GLYATL2: variants seen among roughly 807,000 people sequenced by gnomAD.
The protein encoded by GLYATL2 is glycine-N-acyltransferase like 2, also known as glycine N-acyltransferase-like protein 2.
A neutral mutation model predicts 21.4 loss-of-function variants in GLYATL2; 25 were observed. The observed-to-expected ratio is 1.17, with a 90% CI of 0.85 to 1.63. The LOEUF is 1.63. Among genes scored for constraint, GLYATL2 ranks in the 40% most tolerant of loss-of-function variants. The probability of loss-of-function intolerance (pLI) is 0.00; values close to 1 mark genes in which losing one functional copy is unlikely to be tolerated. For missense variants in GLYATL2, 361 were observed against 343.3 expected, an observed-to-expected ratio of 1.05 and a Z score of -0.41; for synonymous variants, 114 against 118.2, an observed-to-expected ratio of 0.96 and a Z score of 0.23.
intron 1 of GLYATL2, among the ~76,000 whole-genome samples, chr11:58,867,896 T>C (rs1367914499): frequency 1.3e-5 from 2 of 148,764 alleles, no homozygotes; most frequent in Non-Finnish European, 3.0e-5. Flanking sequence ...ATGGCATGTG[T>C]TTCTGGGAGG....
chr11:58,843,387 G>T (rs1345674151), intron 1 of GLYATL2, among the ~76,000 whole-genome samples: 1 of 152,106 alleles, frequency 6.6e-6, no homozygotes, highest in Non-Finnish European at 1.5e-5. Context: ...AATTAGCAAG[G>T]ACTAGCAAGC....
chr11:58,856,937 CT>C (rs1435638544), intron 1 of GLYATL2, among the ~76,000 whole-genome samples: 2 of 152,102 alleles, frequency 1.3e-5, no homozygotes, highest in Admixed American at 1.3e-4. Flanking sequence ...TTGACACAAA[CT>C]TTTTATATTT....
intron 1 of GLYATL2, among the ~76,000 whole-genome samples, chr11:58,863,476 A>T (rs199655014): frequency 6.6e-6 from 1 of 152,204 alleles, no homozygotes; most frequent in African/African-American, 2.4e-5. Context: ...CCAGCCTAGC[A>T]TCAGGATCTA....
chr11:58,882,909 C>G (rs1854366590), intron 1 of GLYATL2, among the ~76,000 whole-genome samples: 1 of 152,128 alleles, frequency 6.6e-6, no homozygotes, highest in Admixed American at 6.5e-5. Context: ...CTGTTCTGTT[C>G]CATTGGTCTA....
rs750395615 is a variant in GLYATL2 at position 58,834,723 on chromosome 11, C to T, written c.591G>A (p.Gln197=). 25 of 1,613,818 alleles carry T rather than the reference C, an allele frequency of 1.5e-5. No individual in the cohort carries two copies. The East Asian group carries it at 2.2e-4, about 14-fold the overall frequency. The change falls in exon 6 of 6, where the codon CAG becomes CAA. Residue 197 remains glutamine, a synonymous_variant. Coordinates refer to ENST00000287275, the MANE Select transcript of GLYATL2 (RefSeq NM_145016.4). ...CCAGCACACCAAATCCTAGAAAATC[C>T]TGGAGGCAGCGTTCAATATATTTCA... is the stretch of plus-strand genomic sequence containing the variant. ...RSLKYIERCL[Q]DFLGFGVLGP... is the part of the protein sequence containing the mutation.
intron 3 of GLYATL2, among the ~76,000 whole-genome samples, chr11:58,837,712 A>G (rs1467780127): frequency 2.6e-5 from 4 of 152,212 alleles, no homozygotes; most frequent in Non-Finnish European, 5.9e-5. Context: ...ATGGAAAGAA[A>G]TATAAAGAAC....
intron 1 of GLYATL2, among the ~76,000 whole-genome samples, chr11:58,887,508 T>C (rs895209363): frequency 6.6e-6 from 1 of 152,148 alleles, no homozygotes; most frequent in Non-Finnish European, 1.5e-5. Context: ...TAATAACTTC[T>C]CTCCTCCCCC....
chr11:58,841,419 T>A (rs1853550771), intron 1 of GLYATL2, among the ~76,000 whole-genome samples: 1 of 152,180 alleles, frequency 6.6e-6, no homozygotes. Context: ...TAATATCTAC[T>A]TTGTAGGTTG....
chr11:58,859,554 C>T (rs1853895344), intron 1 of GLYATL2, among the ~76,000 whole-genome samples: 1 of 152,124 alleles, frequency 6.6e-6, no homozygotes, highest in African/African-American at 2.4e-5. Flanking sequence ...AGATTTTCTT[C>T]CATTCCATAG....
upstream of GLYATL2, chr11:58,908,378 T>C (rs906414447): frequency 7.2e-5 from 11 of 153,674 alleles, no homozygotes; most frequent in South Asian, 2.3e-3. Flanking sequence ...TTTGTTTTTT[T>C]AGACATTTAA....
chr11:58,845,421 T>TA (rs1853625812), upstream of GLYATL2, among the ~76,000 whole-genome samples: 1 of 152,162 alleles, frequency 6.6e-6, no homozygotes, highest in East Asian at 1.9e-4. Context: ...GGCGACCTAA[T>TA]AAAACCCCAG....
At chr11:58,886,729 TTG>T (rs1854448114) in intron 1 of GLYATL2, among the ~76,000 whole-genome samples, 1 of 152,194 alleles carries the variant, frequency 6.6e-6, no homozygotes. Flanking sequence ...TCCCCCTTTT[TTG>T]TGTGTGTTTT....
intron 1 of GLYATL2, among the ~76,000 whole-genome samples, chr11:58,864,399 G>A (rs1853988207): frequency 7.5e-6 from 1 of 133,522 alleles, no homozygotes; most frequent in Non-Finnish European, 1.7e-5. Flanking sequence ...AAGTCCACCA[G>A]GCAAGCCTGG....
At chr11:58,850,626 C>T (rs535014) in intron 1 of GLYATL2, among the ~76,000 whole-genome samples, 134,512 of 151,698 alleles carry the variant, frequency 0.89, 60,799 homozygotes, top group Non-Finnish European at 0.98. Flanking sequence ...CACTAGATGG[C>T]TCCTTGGTCT....
rs186979803 is a variant in GLYATL2 at position 58,838,274 on chromosome 11, C to A, written c.173G>T (p.Arg58Leu). 1 of 1,610,828 alleles carries A rather than the reference C, an allele frequency of 6.2e-7. No homozygotes were observed. The highest frequency in any genetic ancestry group is 8.5e-7 in the Non-Finnish European group (1 of 1,177,304). Residue 58 changes from arginine to leucine, a missense_variant, in exon 3 of 6, where the codon CGG (arginine) becomes CTG (leucine). Coordinates refer to ENST00000287275, the MANE Select transcript of GLYATL2 (RefSeq NM_145016.4). Reference sequence around the variant, plus strand: ...TATTGCTCCTACCTGTTTCTGAGGCCGGGTAATGACGATCTGGTAATCTGG... The same window carrying A: ...TATTGCTCCTACCTGTTTCTGAGGCAGGGTAATGACGATCTGGTAATCTGG... ...AWPDYQIVIT[R>L]PQKQEMKDDQ... is the part of the protein sequence containing the mutation.
At chr11:58,863,334 A>T (rs1233444800) in intron 1 of GLYATL2, among the ~76,000 whole-genome samples, 1 of 152,150 alleles carries the variant, frequency 6.6e-6, no homozygotes, top group Admixed American at 6.6e-5. Flanking sequence ...ATCTGAGTCC[A>T]TGGGGACTGG....
intron 5 of GLYATL2, among the ~76,000 whole-genome samples, chr11:58,836,443 T>C (rs1352456526): frequency 6.6e-6 from 1 of 152,220 alleles, no homozygotes; most frequent in Non-Finnish European, 1.5e-5. Context: ...GTTAACATCA[T>C]TTATTTAGTA....
chr11:58,904,378 G>T (rs1029171734), upstream of GLYATL2, among the ~76,000 whole-genome samples: 8 of 152,154 alleles, frequency 5.3e-5, no homozygotes, highest in African/African-American at 1.9e-4. Flanking sequence ...TGGCCGACCA[G>T]GTGCTTTATG....
upstream of GLYATL2, chr11:58,908,428 C>T: frequency 6.0e-6 from 1 of 166,490 alleles, no homozygotes. Flanking sequence ...TCCATTTTTT[C>T]CACTAGTAGA....
Sources: allele counts gnomAD v4.1 joint callset (sites outside exome capture counted in the v4.1 genomes callset), GRCh38; gene constraint gnomAD v4.1.1; transcripts MANE v1.5; gene names NCBI Gene and HGNC (gene_info 2026-07-23, HGNC 2026-07-21).